Variants in DMD observed in about 807,000 individuals in gnomAD.
DMD encodes the protein mutant dystrophin.
A neutral mutation model predicts 330.1 loss-of-function variants in DMD; 63 were observed. The observed-to-expected ratio is 0.19, with a 90% CI of 0.16 to 0.24. DMD has a LOEUF of 0.24. DMD is among the 10% of genes least tolerant of loss of function. The pLI, the probability that DMD is intolerant of heterozygous loss-of-function variation, is 1.00. For missense variants in DMD, 3,344 were observed against 2,684.1 expected, an observed-to-expected ratio of 1.25 and a Z score of -5.43; for synonymous variants, 1,223 against 959.8, an observed-to-expected ratio of 1.27 and a Z score of -5.07.
intron 1 of DMD, among the ~76,000 whole-genome samples, chrX:33,202,200 T>C (rs187700793): frequency 8.9e-6 from 1 of 111,967 alleles, no homozygotes; most frequent in East Asian, 2.8e-4. Flanking sequence ...GATACTATGA[T>C]TCCTGCCATT....
At chrX:31,693,037 G>A (rs1172479220) in intron 52 of DMD, among the ~76,000 whole-genome samples, 2 of 111,981 alleles carry the variant, frequency 1.8e-5, no homozygotes, top group Admixed American at 9.5e-5. Flanking sequence ...TGAAATACTA[G>A]TGAACCATAT....
At chrX:32,236,191 A>G (rs1369720641) in intron 43 of DMD, among the ~76,000 whole-genome samples, 2 of 112,033 alleles carry the variant, frequency 1.8e-5, no homozygotes, top group Non-Finnish European at 3.8e-5. Flanking sequence ...AAACAAGTCT[A>G]TTTTAAAGGA....
intron 61 of DMD, among the ~76,000 whole-genome samples, chrX:31,339,290 A>G (rs1417102969): frequency 8.9e-6 from 1 of 111,932 alleles, no homozygotes; most frequent in African/African-American, 3.2e-5. Flanking sequence ...GAAAAGGGCC[A>G]TGACAACACA....
chrX:32,248,853 G>A (rs770785205), intron 43 of DMD, among the ~76,000 whole-genome samples: 4 of 110,838 alleles, frequency 3.6e-5, no homozygotes, highest in Non-Finnish European at 7.6e-5. Context: ...TAAAGATATA[G>A]GCATTGCTCT....
At chrX:33,125,873 A>G (rs373128495) in intron 1 of DMD, among the ~76,000 whole-genome samples, 5 of 110,748 alleles carry the variant, frequency 4.5e-5, no homozygotes, top group African/African-American at 1.6e-4. Context: ...CTAAAACTTT[A>G]CATAGGGAGA....
chrX:32,604,753 C>A (rs1401516209), intron 12 of DMD, among the ~76,000 whole-genome samples: 3 of 108,096 alleles, frequency 2.8e-5, no homozygotes, highest in Non-Finnish European at 3.9e-5. Context: ...TTTCTATACA[C>A]CAATAATGAT....
intron 59 of DMD, among the ~76,000 whole-genome samples, chrX:31,476,056 T>A (rs1042451302): frequency 9.1e-6 from 1 of 109,994 alleles, no homozygotes; most frequent in African/African-American, 3.3e-5. Flanking sequence ...GAAAAAAAAA[T>A]GCATAAGCAA....
chrX:32,078,429 G>A (rs750596975), intron 44 of DMD, among the ~76,000 whole-genome samples: 2 of 111,502 alleles, frequency 1.8e-5, no homozygotes, highest in African/African-American at 6.5e-5. Flanking sequence ...TTCCGTTTTC[G>A]ATAAGCCAGT....
In DMD at chrX:32,556,851, T is replaced by C. The variant is rs191475649; in HGVS notation, c.1992+8851A>G. 3.6e-5 allele frequency among the ~76,000 whole-genome samples: 4 copies of C among 112,159 alleles called. No individual in the cohort carries two copies. In the East Asian group the frequency reaches 1.1e-3, roughly 31 times the overall value. On this transcript the variant is annotated intron_variant, in intron 16 of 78. Coordinates refer to ENST00000357033, the MANE Select transcript of DMD (RefSeq NM_004006.3). ...CAACTTCTTGCCTTTTGAGATATTC[T>C]AGTATTTGAATATTTAGATACTTAC...
chrX:31,607,115 C>T (rs914507805), intron 55 of DMD, among the ~76,000 whole-genome samples: 20 of 111,600 alleles, frequency 1.8e-4, no homozygotes, highest in African/African-American at 6.2e-4. Flanking sequence ...TGATGTGGTG[C>T]GGGCAGCAGG....
At chrX:31,317,393 G>A (rs1300459101) in intron 62 of DMD, among the ~76,000 whole-genome samples, 1 of 111,408 alleles carries the variant, frequency 9.0e-6, no homozygotes, top group Non-Finnish European at 1.9e-5. Context: ...TATACTACAT[G>A]ATGTGTTCAC....
chrX:31,495,249 C>T (rs937702952), intron 57 of DMD, among the ~76,000 whole-genome samples: 12 of 109,809 alleles, frequency 1.1e-4, no homozygotes, highest in African/African-American at 4.0e-4. Context: ...AACCCTTGAC[C>T]TTTCCTCAAG....
At chrX:31,374,885 G>A (rs1465083600) in intron 60 of DMD, among the ~76,000 whole-genome samples, 2 of 111,179 alleles carry the variant, frequency 1.8e-5, no homozygotes, top group East Asian at 5.7e-4. Flanking sequence ...AGACACCGTG[G>A]CGCTCCACCC....
At chrX:31,589,672 A>G (rs1887629710) in intron 55 of DMD, among the ~76,000 whole-genome samples, 1 of 111,632 alleles carries the variant, frequency 9.0e-6, no homozygotes, top group East Asian at 2.8e-4. Context: ...CTTAGTCTCA[A>G]TGTAAGCAAT....
intron 60 of DMD, among the ~76,000 whole-genome samples, chrX:31,397,993 A>G (rs1363789738): frequency 8.9e-6 from 1 of 112,595 alleles, no homozygotes; most frequent in Non-Finnish European, 1.9e-5. Context: ...AGGGAGAGCA[A>G]ATGTAACTTG....
intron 44 of DMD, among the ~76,000 whole-genome samples, chrX:32,056,390 T>TAAAAA (rs34726053): frequency 1.1e-4 from 5 of 47,528 alleles, no homozygotes; most frequent in Non-Finnish European, 1.7e-4. Context: ...GTAGATTAAG[T>TAAAAA]AAAAAAAAAA....
At chrX:32,172,608 A>T (rs905994597) in intron 44 of DMD, among the ~76,000 whole-genome samples, 6 of 111,331 alleles carry the variant, frequency 5.4e-5, no homozygotes, top group African/African-American at 2.0e-4. Flanking sequence ...CTATGATCCC[A>T]CAGCACCCTC....
intron 47 of DMD, among the ~76,000 whole-genome samples, chrX:31,887,286 G>C (rs923350175): frequency 1.8e-5 from 2 of 112,115 alleles, no homozygotes; most frequent in African/African-American, 6.5e-5. Flanking sequence ...TGGGATGATA[G>C]AGCCCTATTT....
intron 59 of DMD, among the ~76,000 whole-genome samples, chrX:31,450,926 G>A (rs994667198): frequency 7.0e-4 from 78 of 111,439 alleles, no homozygotes; most frequent in Non-Finnish European, 4.9e-4. Flanking sequence ...CTGGAAAGGG[G>A]TGAAACCATG....
Sources: allele counts gnomAD v4.1 joint callset (sites outside exome capture counted in the v4.1 genomes callset), GRCh38; gene constraint gnomAD v4.1.1; transcripts MANE v1.5; gene names NCBI Gene and HGNC (gene_info 2026-07-23, HGNC 2026-07-21).